The following USP39 variants were observed in gnomAD, a reference collection of about 807,000 sequenced individuals.
USP39 encodes the protein ubiquitin carboxyl-terminal hydrolase 39.
In USP39, 38 loss-of-function variants were observed where a neutral mutation model predicts 66.4. That is an observed-to-expected ratio of 0.57 (90% confidence interval 0.44 to 0.75). The LOEUF (loss-of-function observed/expected upper bound fraction) is 0.75, where lower values mean the gene tolerates loss of function less well. USP39 is among the 30% of genes least tolerant of loss of function. The pLI is 0.00. For synonymous variants in USP39, 303 were observed against 274.6 expected (o/e 1.10, Z -1.02); for missense variants, 608 against 714.4 (o/e 0.85, Z 1.70).
At chr2:85,606,512 T>A (rs1182557338) in intron 1 of USP39, 2 of 152,224 alleles carry the variant, frequency 1.3e-5, no homozygotes, top group African/African-American at 2.4e-5. Flanking sequence ...TTCAGACACA[T>A]CTGTAGAGAG....
chr2:85,607,023 T>C (rs368712920), intron 1 of USP39: 1 of 152,144 alleles, frequency 6.6e-6, no homozygotes, highest in East Asian at 1.9e-4. Context: ...GATTTCATGA[T>C]CCGCCCGCCT....
chr2:85,612,543 G>C (rs1054491098), upstream of USP39, among the ~76,000 whole-genome samples: 3 of 152,240 alleles, frequency 2.0e-5, no homozygotes, highest in Non-Finnish European at 4.4e-5. Flanking sequence ...CGCCGCGAAG[G>C]CTCTCCTGGC....
chr2:85,637,698 T>C (rs1018831564), intron 8 of USP39, among the ~76,000 whole-genome samples: 10 of 152,192 alleles, frequency 6.6e-5, no homozygotes, highest in Non-Finnish European at 1.5e-4. Flanking sequence ...AAAGCTCAGC[T>C]AAGCTTTCTT....
intron 3 of USP39, among the ~76,000 whole-genome samples, chr2:85,622,922 A>C (rs1052457604): frequency 2.5e-4 from 38 of 152,230 alleles, no homozygotes; most frequent in African/African-American, 9.2e-4. Context: ...TAAGGAGCTT[A>C]TAAGGAGTCA....
chr2:85,617,637 G>A (rs896551905), intron 1 of USP39, among the ~76,000 whole-genome samples: 1 of 152,176 alleles, frequency 6.6e-6, no homozygotes, highest in African/African-American at 2.4e-5. Flanking sequence ...GCAACAGAGC[G>A]AGACCTCGTT....
intron 9 of USP39, among the ~76,000 whole-genome samples, chr2:85,640,604 C>CAT (rs148399817): frequency 3.1e-4 from 44 of 140,916 alleles, no homozygotes; most frequent in South Asian, 8.7e-4. Context: ...TCTTTCTTTA[C>CAT]ATATATATAT....
chr2:85,631,530 G>C (rs896820769), intron 6 of USP39, among the ~76,000 whole-genome samples: 1 of 152,004 alleles, frequency 6.6e-6, no homozygotes, highest in African/African-American at 2.4e-5. Context: ...GTGTGGTTAG[G>C]TTCTTCATTC....
intron 2 of USP39, 50 bp from the exon 3 acceptor site, chr2:85,621,435 G>T (rs1160838739): frequency 1.3e-6 from 2 of 1,529,718 alleles, no homozygotes; most frequent in Non-Finnish European, 9.0e-7. Context: ...TCATTTGCGT[G>T]CCTTCCTACA....
chr2:85,633,932 G>T (rs1675567780), intron 6 of USP39, among the ~76,000 whole-genome samples: 1 of 144,254 alleles, frequency 6.9e-6, no homozygotes, highest in African/African-American at 2.6e-5. Flanking sequence ...CCGCCTCCCG[G>T]GTTCACGCCA....
At chr2:85,625,395 T>C in intron 4 of USP39, 144 bp from the exon 5 acceptor site, 1 of 1,003,298 alleles carries the variant, frequency 1.0e-6, no homozygotes, top group Non-Finnish European at 1.5e-6. Context: ...ACTTCAATCT[T>C]TACACCTACT....
chr2:85,621,624 C>CTTTT, intron 3 of USP39, 45 bp downstream of exon 3: 3 of 1,102,322 alleles, frequency 2.7e-6, no homozygotes, highest in Non-Finnish European at 2.5e-6. Context: ...TCCAGAGGGA[C>CTTTT]TTTTTTTTTT....
chr2:85,639,440 G>T, intron 9 of USP39, 49 bp downstream of exon 9: 1 of 1,424,168 alleles, frequency 7.0e-7, no homozygotes, highest in Non-Finnish European at 9.4e-7. Context: ...TCGCTCTCTC[G>T]ACTTTTTCAT....
intron 6 of USP39, among the ~76,000 whole-genome samples, chr2:85,632,278 G>T (rs1373816934): frequency 6.6e-6 from 1 of 152,114 alleles, no homozygotes; most frequent in African/African-American, 2.4e-5. Flanking sequence ...TAGAAAGGTT[G>T]AGTGTGCTGG....
chr2:85,613,466 C>T (rs940558696), upstream of USP39, among the ~76,000 whole-genome samples: 6 of 152,048 alleles, frequency 3.9e-5, no homozygotes, highest in Non-Finnish European at 7.4e-5. Context: ...CAGCCGAGAT[C>T]GAGCCACTGC....
chr2:85,645,115 A>C (rs371652525), intron 11 of USP39, 32 bp downstream of exon 11: 13 of 1,613,282 alleles, frequency 8.1e-6, no homozygotes, highest in African/African-American at 1.3e-5. Flanking sequence ...CATGGCACAG[A>C]GTGGCAAAAA....
chr2:85,637,799 C>G (rs1057272594), intron 8 of USP39, among the ~76,000 whole-genome samples: 3 of 152,112 alleles, frequency 2.0e-5, no homozygotes, highest in Non-Finnish European at 4.4e-5. Flanking sequence ...TGGGTTCAAG[C>G]GATTCTCCTG....
At chr2:85,631,979 T>G (rs1018255825) in intron 6 of USP39, among the ~76,000 whole-genome samples, 3 of 147,062 alleles carry the variant, frequency 2.0e-5, no homozygotes, top group African/African-American at 7.5e-5. Flanking sequence ...TGACCTCAAG[T>G]GATCCACCCG....
chr2:85,626,720 C>CT (rs1203062033), intron 5 of USP39, among the ~76,000 whole-genome samples: 224 of 141,740 alleles, frequency 1.6e-3, no homozygotes, highest in Non-Finnish European at 1.4e-3. Flanking sequence ...GTCCTATTTT[C>CT]TTTTTTTTTT....
At chr2:85,635,990 A>G (rs1426189026) in intron 6 of USP39, 63 bp from the exon 7 acceptor site, 1 of 1,378,174 alleles carries the variant, frequency 7.3e-7, no homozygotes, top group Non-Finnish European at 1.0e-6. Context: ...CAACCAGTGC[A>G]TGGTTTAAGT....
Sources: allele counts gnomAD v4.1 joint callset (sites outside exome capture counted in the v4.1 genomes callset), GRCh38; gene constraint gnomAD v4.1.1; transcripts MANE v1.5; gene names NCBI Gene and HGNC (gene_info 2026-07-23, HGNC 2026-07-21).